Variants in ACSM5 observed in about 807,000 individuals in gnomAD.
The protein encoded by ACSM5 is acyl-coenzyme A synthetase ACSM5, mitochondrial.
In ACSM5, 56 loss-of-function variants were observed where a neutral mutation model predicts 71.6. The ratio of observed to expected loss-of-function variants is 0.78; its 90% CI spans 0.63 to 0.98. The LOEUF is 0.98. ACSM5 is among the 50% of genes least tolerant of loss of function. ACSM5 has a pLI of 0.00. For synonymous variants in ACSM5, 285 were observed against 281.5 expected, an observed-to-expected ratio of 1.01 and a Z score of -0.12; for missense variants, 723 against 726.0, an observed-to-expected ratio of 1.00 and a Z score of 0.05.
chr16:20,422,116 A>T (rs1188169864), intron 5 of ACSM5, among the ~76,000 whole-genome samples: 1 of 151,574 alleles, frequency 6.6e-6, no homozygotes, highest in African/African-American at 2.4e-5. Flanking sequence ...TTTTTATTTT[A>T]TTTTTATTTT....
chr16:20,433,189 T>C (rs137947552), intron 10 of ACSM5, among the ~76,000 whole-genome samples: 321 of 152,316 alleles, frequency 2.1e-3, no homozygotes, highest in Non-Finnish European at 3.6e-3. Flanking sequence ...GAGAAAAATA[T>C]TAAATGTCTT....
intron 10 of ACSM5, among the ~76,000 whole-genome samples, chr16:20,435,936 T>C (rs200702219): frequency 1.1e-4 from 16 of 149,102 alleles, no homozygotes; most frequent in Middle Eastern, 3.4e-3. Context: ...CTTTCTTTTC[T>C]TTCCTTCCTT....
intron 7 of ACSM5, 127 bp from the exon 8 acceptor site, chr16:20,429,551 A>G: frequency 8.0e-7 from 1 of 1,254,630 alleles, no homozygotes; most frequent in Non-Finnish European, 1.1e-6. Flanking sequence ...ACTCACTTAG[A>G]GAAGATTAAA....
chr16:20,419,007 A>G (rs1966865439), intron 3 of ACSM5, among the ~76,000 whole-genome samples: 1 of 152,148 alleles, frequency 6.6e-6, no homozygotes, highest in African/African-American at 2.4e-5. Flanking sequence ...AGGAGGAAAG[A>G]GGCCACAGTG....
intron 12 of ACSM5, among the ~76,000 whole-genome samples, chr16:20,438,645 T>A (rs555712983): frequency 6.6e-6 from 1 of 151,528 alleles, no homozygotes; most frequent in Admixed American, 6.6e-5. Flanking sequence ...TAGAACTGAG[T>A]CTGGTGTGTA....
chr16:20,438,781 C>T (rs1398390024), intron 12 of ACSM5, among the ~76,000 whole-genome samples: 1 of 150,520 alleles, frequency 6.6e-6, no homozygotes, highest in African/African-American at 2.4e-5. Context: ...CAGTGAAACC[C>T]CATCTCTACT....
At chr16:20,416,871 T>C (rs1369987258) in intron 2 of ACSM5, among the ~76,000 whole-genome samples, 1 of 151,860 alleles carries the variant, frequency 6.6e-6, no homozygotes, top group Non-Finnish European at 1.5e-5. Context: ...ATAACCCAAT[T>C]AAAGTATGGG....
chr16:20,436,845 C>T (rs1340346248), intron 10 of ACSM5, among the ~76,000 whole-genome samples: 1 of 152,142 alleles, frequency 6.6e-6, no homozygotes, highest in African/African-American at 2.4e-5. Flanking sequence ...TGGCTGGCAG[C>T]TTGATTCCAA....
rs1401102882 is a variant in ACSM5, at chr16:20,419,210, C to A, written c.416-18C>A. 3 of 1,613,712 alleles carry A rather than the reference C, an allele frequency of 1.9e-6. No homozygotes were observed. Among genetic ancestry groups the A allele is most frequent in the Non-Finnish European group, 2.5e-6 (3 of 1,179,772 alleles). ...CTTCCCCGCTATCCACTCAACATCC[C>A]CTTCTGTTTTATGCCAGGGACTGTG... On this transcript the variant is annotated intron_variant, in intron 3 of 13. Coordinates refer to ENST00000331849, the MANE Select transcript of ACSM5 (RefSeq NM_017888.3).
At chr16:20,412,741 AACAATAGATTC>A (rs1966850092) in intron 2 of ACSM5, among the ~76,000 whole-genome samples, 1 of 152,250 alleles carries the variant, frequency 6.6e-6, no homozygotes, top group Non-Finnish European at 1.5e-5. Context: ...AGTAGGCACA[AACAATAGATTC>A]ACCAAAAAGT....
At chr16:20,427,704 G>C (rs1967010611) in intron 6 of ACSM5, 84 bp from the exon 7 acceptor site, 22 of 915,048 alleles carry the variant, frequency 2.4e-5, no homozygotes, top group Non-Finnish European at 3.8e-5. Context: ...TTGGTACTGA[G>C]ACTATAAAGA....
In ACSM5 at chr16:20,412,750, T is replaced by C. The variant is rs574137929; in HGVS notation, c.204+1062T>C. ...GATAACAGTAGGCACAAACAATAGA[T>C]TCACCAAAAAGTGAAAAAAGAAAAG... On this transcript the variant is annotated intron_variant, in intron 2 of 13. Transcript: ENST00000331849. Among the ~76,000 whole-genome samples, 7 of 152,260 alleles carry C rather than the reference T, an allele frequency of 4.6e-5. No individual in the cohort carries two copies. The South Asian group carries it at 1.0e-3, about 23-fold the overall frequency.
At chr16:20,410,107 T>C (rs1486438961) in intron 1 of ACSM5, among the ~76,000 whole-genome samples, 2 of 152,200 alleles carry the variant, frequency 1.3e-5, no homozygotes, top group Non-Finnish European at 2.9e-5. Flanking sequence ...AGAGTTGTTA[T>C]AAAGATTTCA....
At chr16:20,420,755 A>G (rs1966874908) in intron 4 of ACSM5, among the ~76,000 whole-genome samples, 1 of 152,214 alleles carries the variant, frequency 6.6e-6, no homozygotes, top group Non-Finnish European at 1.5e-5. Flanking sequence ...GGGTGGATAC[A>G]GACAAGTTTC....
intron 12 of ACSM5, among the ~76,000 whole-genome samples, chr16:20,438,328 G>A (rs889968430): frequency 1.3e-5 from 2 of 151,782 alleles, no homozygotes; most frequent in Non-Finnish European, 2.9e-5. Context: ...TCTGGTTCTT[G>A]GACTGCTTGC....
chr16:20,423,896 C>A lies in ACSM5; in HGVS notation c.768-20C>A. The A allele has an allele frequency of 6.2e-7, 1 of 1,613,394 alleles. No homozygotes were observed. The highest frequency in any genetic ancestry group is 8.5e-7 in the Non-Finnish European group (1 of 1,179,680). The stretch of plus-strand genomic sequence containing the variant: ...GTAGAGTCATTGCCAAGGTTACTGA[C>A]GTTCTCTAATTTTTGGCAGACGGTG... On this transcript the variant is annotated intron_variant, in intron 5 of 13. Transcript: ENST00000331849.
rs771981131 is a variant in ACSM5 at position 20,424,005 on chromosome 16, G to T, written c.857G>T (p.Trp286Leu). 1.2e-5 allele frequency: 20 copies of T among 1,614,048 alleles called. No individual in the cohort carries two copies. The highest frequency in any genetic ancestry group is 2.5e-6 in the Non-Finnish European group (3 of 1,180,022). The change falls in exon 6 of 14, where the codon TGG becomes TTG. Residue 286 changes from tryptophan (W) to leucine (L), a missense_variant. Physicochemically the swap from Trp to Leu is moderately conservative, Grantham distance 61. Coordinates refer to ENST00000331849, the MANE Select transcript of ACSM5 (RefSeq NM_017888.3). ...VKAAWTLFSA[W>L]PNGSCIFVHE... ...GCAGCCTGGACTCTCTTCTCTGCCT[G>T]GCCTAATGGATCTTGCATTTTTGTG...
chr16:20,436,501 G>C (rs959305572), intron 10 of ACSM5, among the ~76,000 whole-genome samples: 4 of 152,076 alleles, frequency 2.6e-5, no homozygotes, highest in African/African-American at 9.7e-5. Context: ...CTCCCGAGTA[G>C]CTGGAATTAC....
chr16:20,422,805 C>A (rs1180707301), intron 5 of ACSM5, among the ~76,000 whole-genome samples: 1 of 152,124 alleles, frequency 6.6e-6, no homozygotes, highest in African/African-American at 2.4e-5. Context: ...TATTTTCAAC[C>A]TAGACCCAAT....
Sources: allele counts gnomAD v4.1 joint callset (sites outside exome capture counted in the v4.1 genomes callset), GRCh38; gene constraint gnomAD v4.1.1; transcripts MANE v1.5; gene names NCBI Gene and HGNC (gene_info 2026-07-23, HGNC 2026-07-21).